The following CNTN1 variants were observed in gnomAD, a reference collection of about 807,000 sequenced individuals.
CNTN1 encodes contactin 1, also known as contactin-1.
Under a neutral mutation model 126.4 loss-of-function variants are expected in CNTN1, and 38 were observed. The ratio of observed to expected loss-of-function variants is 0.30; its 90% CI spans 0.23 to 0.39. CNTN1 has a LOEUF of 0.39. Among genes scored for constraint, CNTN1 ranks in the 10% least tolerant of loss-of-function variants. The pLI, the probability that CNTN1 is intolerant of heterozygous loss-of-function variation, is 1.00. For synonymous variants in CNTN1, 413 were observed against 422.6 expected (o/e 0.98, Z 0.28); for missense variants, 1,009 against 1,248.4 (o/e 0.81, Z 2.89).
At chr12:40,716,078 A>G (rs1942038819) in intron 1 of CNTN1, among the ~76,000 whole-genome samples, 1 of 152,066 alleles carries the variant, frequency 6.6e-6, no homozygotes, top group Non-Finnish European at 1.5e-5. Context: ...TAAGCCTCAC[A>G]TAAACTCAAA....
Position 40,908,390 on chromosome 12 carries a change from A to G in CNTN1, c.-43A>G. On this transcript the variant is annotated 5_prime_UTR_variant, in exon 2 of 24. Coordinates refer to ENST00000551295, the MANE Select transcript of CNTN1 (RefSeq NM_001843.4). ...AATTATCCAACTGCCATAGAGCTAA[A>G]TTCTTTTTTGGAAAATTGAACCGAA... 1 of 1,547,060 alleles carries G rather than the reference A, an allele frequency of 6.5e-7. No homozygotes were observed. Among genetic ancestry groups the G allele is most frequent in the East Asian group, 2.3e-5 (1 of 44,414 alleles).
intron 1 of CNTN1, among the ~76,000 whole-genome samples, chr12:40,812,252 G>T (rs888492658): frequency 6.6e-6 from 1 of 151,960 alleles, no homozygotes; most frequent in South Asian, 2.1e-4. Context: ...TACTTAATAT[G>T]ATTTCAAGCT....
At chr12:41,020,549 T>C (rs1948884154) in intron 20 of CNTN1, 109 bp downstream of exon 20, 2 of 716,940 alleles carry the variant, frequency 2.8e-6, no homozygotes, top group South Asian at 3.4e-5. Flanking sequence ...TGGCAACTAA[T>C]ACTTTATTCT....
intron 13 of CNTN1, 24 bp downstream of exon 13, chr12:40,943,748 T>G: frequency 6.2e-6 from 10 of 1,610,434 alleles, no homozygotes; most frequent in Non-Finnish European, 8.5e-6. Flanking sequence ...TGAGGGTGCT[T>G]AATTTCTAAT....
chr12:41,036,247 G>A (rs35742712), intron 23 of CNTN1, among the ~76,000 whole-genome samples: 5,144 of 152,164 alleles, frequency 0.034, 116 homozygotes, highest in Middle Eastern at 0.11. Flanking sequence ...TTCCCCTTCT[G>A]CCTTTTGGTG....
chr12:40,933,043 G>T (rs969041787), intron 7 of CNTN1, among the ~76,000 whole-genome samples: 2 of 150,950 alleles, frequency 1.3e-5, no homozygotes, highest in African/African-American at 4.9e-5. Flanking sequence ...ATCTCTGTGG[G>T]CATTTCTTCT....
At chr12:40,880,055 T>C (rs976775035) in intron 1 of CNTN1, among the ~76,000 whole-genome samples, 1 of 152,030 alleles carries the variant, frequency 6.6e-6, no homozygotes, top group African/African-American at 2.4e-5. Context: ...TACAAAATGG[T>C]GTAATACAGA....
At chr12:40,750,158 G>A (rs1938349842) in intron 1 of CNTN1, among the ~76,000 whole-genome samples, 1 of 152,000 alleles carries the variant, frequency 6.6e-6, no homozygotes, top group African/African-American at 2.4e-5. Context: ...GCAGAAAAAT[G>A]GGACAGTAAC....
intron 23 of CNTN1, among the ~76,000 whole-genome samples, chr12:41,038,637 G>A (rs1949324836): frequency 6.6e-6 from 1 of 152,150 alleles, no homozygotes; most frequent in Admixed American, 6.6e-5. Context: ...TGCCCAAACA[G>A]AGGTCATTGG....
chr12:40,790,888 G>A (rs1349686229), intron 1 of CNTN1, among the ~76,000 whole-genome samples: 1 of 152,034 alleles, frequency 6.6e-6, no homozygotes, highest in Non-Finnish European at 1.5e-5. Context: ...ACTCAAGGAA[G>A]CCCCTTGTAA....
intron 20 of CNTN1, among the ~76,000 whole-genome samples, chr12:41,023,035 G>A (rs867619975): frequency 5.9e-5 from 9 of 151,936 alleles, no homozygotes; most frequent in Middle Eastern, 3.2e-3. Context: ...GGGGGGAGGG[G>A]GGTCTTGACT....
At chr12:40,991,228 C>G (rs891387672) in intron 16 of CNTN1, among the ~76,000 whole-genome samples, 1 of 152,038 alleles carries the variant, frequency 6.6e-6, no homozygotes, top group Non-Finnish European at 1.5e-5. Context: ...TCATATCTAC[C>G]TTGGTGGTCT....
chr12:40,965,435 T>C (rs891760483), intron 15 of CNTN1, among the ~76,000 whole-genome samples: 1 of 152,200 alleles, frequency 6.6e-6, no homozygotes, highest in Non-Finnish European at 1.5e-5. Context: ...AAGTCTATTC[T>C]GGAGCTGGTA....
In CNTN1 at chr12:41,005,513, C is replaced by G. The variant is rs558187005; in HGVS notation, c.2114-8715C>G. 7.9e-5 allele frequency among the ~76,000 whole-genome samples: 12 copies of G among 152,244 alleles called. No individual in the cohort carries two copies. The South Asian group carries it at 2.5e-3, about 32-fold the overall frequency. ...TGGGGAAGTTCTCCTGGATGATATC[C>G]TGAAATATGGTTTCCAAGTTAGTTC... On this transcript the variant is annotated intron_variant, in intron 17 of 23. Transcript: ENST00000551295.
intron 23 of CNTN1, among the ~76,000 whole-genome samples, chr12:41,063,653 GT>G (rs1305145929): frequency 6.6e-6 from 1 of 152,164 alleles, no homozygotes; most frequent in African/African-American, 2.4e-5. Flanking sequence ...AGAGTGATTG[GT>G]TGAGTGATGG....
chr12:40,693,535 T>A (rs1329362670), intron 1 of CNTN1, among the ~76,000 whole-genome samples: 2 of 152,232 alleles, frequency 1.3e-5, no homozygotes, highest in African/African-American at 2.4e-5. Flanking sequence ...CTGGGACTGA[T>A]GACACCCTGC....
At chr12:40,708,085 G>A (rs1311935246) in intron 1 of CNTN1, among the ~76,000 whole-genome samples, 4 of 152,026 alleles carry the variant, frequency 2.6e-5, no homozygotes, top group Admixed American at 1.3e-4. Context: ...TCTTCCATTT[G>A]TTAAATTTTA....
At chr12:40,705,861 G>A (rs751158991) in intron 1 of CNTN1, among the ~76,000 whole-genome samples, 1 of 152,152 alleles carries the variant, frequency 6.6e-6, no homozygotes, top group African/African-American at 2.4e-5. Flanking sequence ...CACATGGCAG[G>A]AGCAGGATCA....
At chr12:40,718,385 T>G (rs1592006622) in intron 1 of CNTN1, among the ~76,000 whole-genome samples, 1 of 152,110 alleles carries the variant, frequency 6.6e-6, no homozygotes, top group East Asian at 1.9e-4. Context: ...TTCGCCGTGT[T>G]GGCCAGGATG....
Sources: gnomAD v4.1 joint callset for allele counts (sites outside exome capture counted in the v4.1 genomes callset) on GRCh38, gnomAD v4.1.1 for gene constraint, MANE v1.5 for transcripts, NCBI Gene and HGNC (gene_info 2026-07-23, HGNC 2026-07-21) for gene names.